Variants in DNAJB13 observed in about 807,000 individuals in gnomAD.
The protein encoded by DNAJB13 is DnaJ heat shock protein family (Hsp40) member B13, also known as dnaJ homolog subfamily B member 13.
DNAJB13 carries 22 observed loss-of-function variants against 35.6 expected under a neutral mutation model. The ratio of observed to expected loss-of-function variants is 0.62; its 90% CI spans 0.44 to 0.88. The LOEUF is 0.88. Among genes scored for constraint, DNAJB13 ranks in the 40% least tolerant of loss-of-function variants. The probability of loss-of-function intolerance (pLI) is 0.00; values close to 1 mark genes in which losing one functional copy is unlikely to be tolerated. For missense variants in DNAJB13, 370 were observed against 384.3 expected (o/e 0.96, Z 0.31); for synonymous variants, 136 against 144.2 (o/e 0.94, Z 0.41).
intron 1 of DNAJB13, among the ~76,000 whole-genome samples, chr11:73,951,546 C>G (rs1263811293): frequency 6.6e-6 from 1 of 152,202 alleles, no homozygotes; most frequent in African/African-American, 2.4e-5. Flanking sequence ...TCAGCATTGA[C>G]TAAACTACAT....
intron 1 of DNAJB13, among the ~76,000 whole-genome samples, chr11:73,953,913 G>A (rs920676554): frequency 2.7e-5 from 4 of 150,614 alleles, no homozygotes; most frequent in South Asian, 2.1e-4. Context: ...GCGTGAACCC[G>A]GGAGGTGGAG....
At position 73,970,171 on chromosome 11, in the gene DNAJB13, A is replaced by AC. The variant is rs370004410; in HGVS notation, c.*60dup. ...GCTAGCCGGGCCTCACCCCACCCCT[A>AC]CCCGCCACAGCCTCAGGGTGTGCAG... On this transcript the variant is annotated 3_prime_UTR_variant, in exon 8 of 8. Transcript: ENST00000339764. The AC allele has an allele frequency of 6.7e-7, 1 of 1,483,932 alleles. No homozygotes were observed. Among genetic ancestry groups the AC allele is most frequent in the Non-Finnish European group, 8.9e-7 (1 of 1,117,892 alleles). The allele number at this position is 1,483,932 out of a possible 1,614,324, so 91.9% of individuals were successfully genotyped here.
At chr11:73,959,784 A>T in intron 3 of DNAJB13, 129 bp downstream of exon 3, 1 of 960,218 alleles carries the variant, frequency 1.0e-6, no homozygotes, top group Non-Finnish European at 1.4e-6. Context: ...TTTTTTGGAG[A>T]TGGAGACTCA....
intron 5 of DNAJB13, among the ~76,000 whole-genome samples, chr11:73,967,085 T>G (rs1390712146): frequency 6.6e-6 from 1 of 152,122 alleles, no homozygotes; most frequent in Non-Finnish European, 1.5e-5. Context: ...ACTCCTGACC[T>G]CAGGTGATCC....
rs1417047617 is a variant in DNAJB13 at position 73,964,792 on chromosome 11, TGTGTGTGTGTGTGTGTGTGTGC to T, written c.335-84_335-63del. The T allele has an allele frequency of 4.3e-4, 391 of 917,110 alleles. 3 individuals are homozygous for T. The African/African-American group carries it at 7.6e-3, about 18-fold the overall frequency. 56.8% of individuals were successfully genotyped at this position (917,110 alleles called of 1,614,324 possible). On this transcript the variant is annotated intron_variant, in intron 3 of 7. Transcript: ENST00000339764. ...GTGTGTGTGTGTGTGTGTGTGTGTG[TGTGTGTGTGTGTGTGTGTGTGC>T]GCGCGCGCGCATGTCTGGGTCTCTG...
chr11:73,952,214 T>C (rs1289018146), intron 1 of DNAJB13, among the ~76,000 whole-genome samples: 1 of 152,152 alleles, frequency 6.6e-6, no homozygotes, highest in Non-Finnish European at 1.5e-5. Context: ...CTGTTCGTGG[T>C]AATCAAGGCA....
chr11:73,954,894 T>G (rs1591172916), intron 1 of DNAJB13, among the ~76,000 whole-genome samples: 1 of 152,026 alleles, frequency 6.6e-6, no homozygotes, highest in Non-Finnish European at 1.5e-5. Flanking sequence ...GAGGTTGCAG[T>G]GAACCAAGAT....
chr11:73,954,461 T>G (rs962126739), intron 1 of DNAJB13, among the ~76,000 whole-genome samples: 2 of 150,762 alleles, frequency 1.3e-5, no homozygotes, highest in Admixed American at 1.3e-4. Flanking sequence ...AAACCCCGTC[T>G]CTACTAAAAA....
chr11:73,958,748 C>A (rs1950833886), intron 2 of DNAJB13, among the ~76,000 whole-genome samples: 1 of 152,204 alleles, frequency 6.6e-6, no homozygotes, highest in Admixed American at 6.5e-5. Flanking sequence ...CTTGCAGCTA[C>A]GGGGAAGAAA....
At chr11:73,956,663 C>T (rs1285051111) in intron 1 of DNAJB13, among the ~76,000 whole-genome samples, 3 of 151,924 alleles carry the variant, frequency 2.0e-5, no homozygotes, top group South Asian at 4.2e-4. Flanking sequence ...ATTAGCCAGG[C>T]GTGGTGGCTC....
At chr11:73,968,586 C>G in intron 6 of DNAJB13, 128 bp downstream of exon 6, 3 of 727,112 alleles carry the variant, frequency 4.1e-6, no homozygotes, top group Non-Finnish European at 6.9e-6. Flanking sequence ...ATTCCACCCT[C>G]TAAATCACCA....
At position 73,970,005 on chromosome 11, in the gene DNAJB13, C is replaced by T. The variant is rs373291047; in HGVS notation, c.842C>T (p.Pro281Leu). ...KKVPGEGMPL[P>L]EDPTKKGDLF... Reference sequence around the variant, plus strand: ...GTGCCAGGGGAGGGGATGCCATTGCCGGAGGACCCCACTAAGAAAGGGGAT... The same window carrying T: ...GTGCCAGGGGAGGGGATGCCATTGCTGGAGGACCCCACTAAGAAAGGGGAT... Residue 281 changes from proline (P) to leucine (L), a missense_variant, in exon 8 of 8, where the codon CCG becomes CTG. Physicochemically the swap from Pro to Leu is moderately conservative, Grantham distance 98. Transcript: ENST00000339764. The T allele has an allele frequency of 3.5e-5, 56 of 1,611,362 alleles. No individual in the cohort carries two copies. Among genetic ancestry groups the T allele is most frequent in the South Asian group, 1.3e-4 (12 of 90,318 alleles).
At chr11:73,962,727 C>T (rs927476846) in intron 3 of DNAJB13, among the ~76,000 whole-genome samples, 3 of 152,194 alleles carry the variant, frequency 2.0e-5, no homozygotes, top group African/African-American at 7.2e-5. Flanking sequence ...TAAGTTCTTT[C>T]CTTCTCTTTT....
intron 3 of DNAJB13, among the ~76,000 whole-genome samples, chr11:73,961,521 G>A (rs1469216941): frequency 1.3e-5 from 2 of 152,118 alleles, no homozygotes; most frequent in Non-Finnish European, 2.9e-5. Flanking sequence ...TGAAACTCGT[G>A]GGTGGACCCA....
rs781593473 is a variant in DNAJB13, at chr11:73,964,880, T to A, written c.337T>A (p.Phe113Ile). 5 of 1,611,386 alleles carry A rather than the reference T, an allele frequency of 3.1e-6. No homozygotes were observed. The highest frequency in any genetic ancestry group is 4.2e-6 in the Non-Finnish European group (5 of 1,179,432). Residue 113 changes from phenylalanine (F) to isoleucine (I), a missense_variant and splice_region_variant, in exon 4 of 8, where the codon TTT becomes ATT. Phe to Ile is a conservative substitution (Grantham distance 21, BLOSUM62 0). Transcript: ENST00000339764. ...ACTCCTCTCCCTACCTCCTGCAGAG[T>A]TTTTTGATGCAGAAGGAAGTGAGGT... ...FFGGNNPFSE[F>I]FDAEGSEVDL... is the part of the protein sequence containing the mutation.
intron 3 of DNAJB13, among the ~76,000 whole-genome samples, chr11:73,961,712 C>A (rs1226901172): frequency 6.6e-6 from 1 of 152,218 alleles, no homozygotes; most frequent in South Asian, 2.1e-4. Context: ...TTCCTTTTGG[C>A]TCTACAGATT....
In DNAJB13 at chr11:73,959,542, G is replaced by T; in HGVS notation, c.221G>T (p.Gly74Val). Residue 74 changes from glycine to valine, a missense_variant, in exon 3 of 8, where the codon GGT becomes GTT. Transcript: ENST00000339764. Reference sequence around the variant, plus strand: ...AAGTTTGGAGAAGAGGGCCTGAAGGGTGGGATTCCTTTGGAGTTTGGATCC... The same window carrying T: ...AAGTTTGGAGAAGAGGGCCTGAAGGTTGGGATTCCTTTGGAGTTTGGATCC... Reference protein sequence around the residue: ...YDKFGEEGLKGGIPLEFGSQT... With the variant: ...YDKFGEEGLKVGIPLEFGSQT... 6.2e-7 allele frequency: 1 copy of T among 1,614,124 alleles called. No homozygotes were observed. Among genetic ancestry groups the T allele is most frequent in the South Asian group, 1.1e-5 (1 of 91,082 alleles).
chr11:73,968,264 A>G (rs764019621), intron 5 of DNAJB13, 81 bp from the exon 6 acceptor site: 4 of 1,221,604 alleles, frequency 3.3e-6, no homozygotes, highest in Non-Finnish European at 3.6e-6. Flanking sequence ...AGATGAAGAC[A>G]TGGAGACAAG....
chr11:73,959,460 T>C lies in DNAJB13; in HGVS notation c.173-34T>C, dbSNP rs1303727560. 3 of 1,590,906 alleles carry C rather than the reference T, an allele frequency of 1.9e-6. No homozygotes were observed. The South Asian group carries it at 3.4e-5, about 18-fold the overall frequency. ...CCTCCACCTATCTCAGCCCCCAAAG[T>C]TGGACACCTCCTTAAGGTGATGCCC... On this transcript the variant is annotated intron_variant, in intron 2 of 7. Coordinates refer to ENST00000339764, the MANE Select transcript of DNAJB13 (RefSeq NM_153614.4).
Sources: gnomAD v4.1 joint callset for allele counts (sites outside exome capture counted in the v4.1 genomes callset) on GRCh38, gnomAD v4.1.1 for gene constraint, MANE v1.5 for transcripts, NCBI Gene and HGNC (gene_info 2026-07-23, HGNC 2026-07-21) for gene names.